Variants in NOTCH3 observed in about 807,000 individuals in gnomAD.
NOTCH3 encodes the protein neurogenic locus notch homolog protein 3.
NOTCH3 carries 86 observed loss-of-function variants against 213.3 expected under a neutral mutation model. The observed-to-expected ratio is 0.40, with a 90% confidence interval of 0.34 to 0.48. NOTCH3 has a LOEUF of 0.48. Among genes scored for constraint, NOTCH3 ranks in the 20% least tolerant of loss-of-function variants. The probability of loss-of-function intolerance (pLI) is 0.57; values close to 1 mark genes in which losing one functional copy is unlikely to be tolerated. For synonymous variants in NOTCH3, 1,354 were observed against 1,355.9 expected (o/e 1.00, Z 0.03); for missense variants, 2,783 against 3,272.6 (o/e 0.85, Z 3.65).
rs781158121 is a variant in NOTCH3 at position 15,191,529 on chromosome 19, A to C, written c.931T>G (p.Cys311Gly). The part of the protein sequence containing the change: ...VCVNGWTGES[C>G]SQNIDDCATA... ...GCACAGTCATCGATATTCTGACTGC[A>C]GCTCTCGCCTGTCCAGCCATTGACA... is the stretch of plus-strand genomic sequence containing the variant. Residue 311 changes from cysteine to glycine, a missense_variant, in exon 6 of 33, where the codon TGC (cysteine) becomes GGC (glycine). Cys to Gly is a radical substitution (Grantham distance 159, BLOSUM62 -3). Around this residue, in one of 6 missense-constraint regions of NOTCH3, gnomAD observed 708 missense variants for 906.6 expected, o/e 0.78. Coordinates refer to ENST00000263388, the MANE Select transcript of NOTCH3 (RefSeq NM_000435.3). The C allele has an allele frequency of 6.2e-7, 1 of 1,613,300 alleles. No individual in the cohort carries two copies.
At chr19:15,181,495 G>T in intron 17 of NOTCH3, 81 bp downstream of exon 17, 1 of 1,196,882 alleles carries the variant, frequency 8.4e-7, no homozygotes, top group Non-Finnish European at 1.2e-6. Flanking sequence ...CCCCCAAGTC[G>T]TTGCTGTCCC....
Position 15,179,397 on chromosome 19 carries a change from G to A in NOTCH3, c.3427C>T (p.Arg1143Cys), listed in dbSNP as rs60373464. The A allele has an allele frequency of 8.8e-5, 142 of 1,614,124 alleles. No individual in the cohort carries two copies. Among genetic ancestry groups the A allele is most frequent in the Non-Finnish European group, 1.1e-4 (131 of 1,180,032 alleles). The change falls in exon 21 of 33, where the codon CGC (arginine) becomes TGC (cysteine). Residue 1143 changes from arginine (R) to cysteine (C), a missense_variant. Physicochemically the swap from Arg to Cys is radical, Grantham distance 180 (BLOSUM62 -3). Around this residue, in one of 6 missense-constraint regions of NOTCH3, gnomAD observed 861 missense variants for 909.1 expected, o/e 0.95. Transcript: ENST00000263388. ...CCTGGGGGACAGGAGCAGAGATAGC[G>A]GGCCACGAGGTCAATGCATGAACCC... ...HGGSCIDLVA[R>C]YLCSCPPGTL...
In NOTCH3 at chr19:15,187,326, G is replaced by C. The variant is rs200317373; in HGVS notation, c.1619C>G (p.Thr540Arg). Reference sequence around the variant, plus strand: ...GTCGTCCACGTTGCGATCACACAGCGTGCCCTCAAAGCCTGTGGGGCCAAG... The same window carrying C: ...GTCGTCCACGTTGCGATCACACAGCCTGCCCTCAAAGCCTGTGGGGCCAAG... ...ECRCAEGFEGTLCDRNVDDCS... is the reference protein window; with the variant it reads ...ECRCAEGFEGRLCDRNVDDCS... The change falls in exon 11 of 33, where the codon ACG (threonine) becomes AGG (arginine). Residue 540 changes from threonine (T) to arginine (R), a missense_variant. Thr to Arg is a moderately conservative substitution (Grantham distance 71, BLOSUM62 -1). This residue lies in a region of NOTCH3 where 708 missense variants were observed against 906.6 expected (regional missense o/e 0.78). Coordinates refer to ENST00000263388, the MANE Select transcript of NOTCH3 (RefSeq NM_000435.3). 2 of 1,613,452 alleles carry C rather than the reference G, an allele frequency of 1.2e-6. No homozygotes were observed. The highest frequency in any genetic ancestry group is 1.1e-5 in the South Asian group (1 of 91,070).
intron 1 of NOTCH3, among the ~76,000 whole-genome samples, chr19:15,199,940 C>G (rs897861510): frequency 6.6e-6 from 1 of 151,862 alleles, no homozygotes; most frequent in Admixed American, 6.6e-5. Context: ...CCGGCCCAGC[C>G]GCGGGTCCCG....
intron 15 of NOTCH3, 84 bp downstream of exon 15, chr19:15,184,822 C>T: frequency 2.4e-6 from 2 of 826,772 alleles, no homozygotes; most frequent in Non-Finnish European, 4.0e-6. Flanking sequence ...GGATGGGTCC[C>T]TCTCTGGATC....
At chr19:15,162,365 T>G in intron 32 of NOTCH3, 100 bp downstream of exon 32, 1 of 870,108 alleles carries the variant, frequency 1.1e-6, no homozygotes, top group Non-Finnish European at 1.9e-6. Flanking sequence ...GGGTTTTATT[T>G]TGTTTTGTTT....
chr19:15,199,672 A>C (rs1446288712), intron 1 of NOTCH3, among the ~76,000 whole-genome samples: 1 of 152,152 alleles, frequency 6.6e-6, no homozygotes, highest in Admixed American at 6.5e-5. Context: ...ACCTAGAGCT[A>C]TGTGTGCCAG....
chr19:15,177,083 A>G (rs1009417667), intron 24 of NOTCH3, among the ~76,000 whole-genome samples: 2 of 148,424 alleles, frequency 1.3e-5, no homozygotes, highest in African/African-American at 5.0e-5. Context: ...AAAAAAAAAA[A>G]AAAAAAAAAA....
Position 15,189,290 on chromosome 19 carries a change from A to T in NOTCH3, c.1175T>A (p.Val392Glu), listed in dbSNP as rs377094060. 1.4e-5 allele frequency: 22 copies of T among 1,613,988 alleles called. No individual in the cohort carries two copies. Among genetic ancestry groups the T allele is most frequent in the Non-Finnish European group, 1.9e-5 (22 of 1,180,032 alleles). ...CCCCTCACCGATAGAGCACTCGTCC[A>T]CATCCTGGTCACATGCCCCACCCGT... ...GFTGGACDQDVDECSIGANPC... is the reference protein window; with the variant it reads ...GFTGGACDQDEDECSIGANPC... The change falls in exon 7 of 33, where the codon GTG (valine) becomes GAG (glutamate). Residue 392 changes from valine to glutamate, a missense_variant. Physicochemically the swap from Val to Glu is moderately radical, Grantham distance 121. Transcript: ENST00000263388.
rs752437137 is a variant in NOTCH3 at position 15,170,445 on chromosome 19, C to G, written c.5000G>C (p.Arg1667Pro). The change falls in exon 27 of 33, where the codon CGC becomes CCC. Residue 1667 changes from arginine to proline, a missense_variant. Coordinates refer to ENST00000263388, the MANE Select transcript of NOTCH3 (RefSeq NM_000435.3). The stretch of plus-strand genomic sequence containing the variant: ...CCAGAGGGTGCTGTGCTCGCGCTTG[C>G]GCCGGGCCACCATGACACCCAGGAC... ...ILVLGVMVAR[R>P]KREHSTLWFP... The G allele has an allele frequency of 1.2e-6, 2 of 1,610,924 alleles. No homozygotes were observed. The highest frequency in any genetic ancestry group is 8.5e-7 in the Non-Finnish European group (1 of 1,179,992).
intron 1 of NOTCH3, among the ~76,000 whole-genome samples, chr19:15,199,390 CCTG>C (rs1316195023): frequency 6.6e-6 from 1 of 152,114 alleles, no homozygotes; most frequent in African/African-American, 2.4e-5. Flanking sequence ...GTTGGTGTGA[CCTG>C]TGTGTGCACC....
intron 25 of NOTCH3, among the ~76,000 whole-genome samples, chr19:15,171,757 G>A (rs868016512): frequency 2.0e-5 from 3 of 152,104 alleles, no homozygotes; most frequent in Non-Finnish European, 2.9e-5. Flanking sequence ...TGCAACCTCC[G>A]ACTCCCTGGT....
Position 15,162,516 on chromosome 19 carries a change from G to C in NOTCH3, c.5862C>G (p.Ala1954=). Residue 1954 remains alanine (A), a synonymous_variant, in exon 32 of 33, where the codon GCC becomes GCG. Coordinates refer to ENST00000263388, the MANE Select transcript of NOTCH3 (RefSeq NM_000435.3). ...CTCCATTTTTGAGCAGGGCCAAAGTGGCTTCCACGTTGTTCACAGCCGCAG... is the reference window on the plus strand; with the variant it reads ...CTCCATTTTTGAGCAGGGCCAAAGTCGCTTCCACGTTGTTCACAGCCGCAG... ...HWAAAVNNVE[A]TLALLKNGAN... 1.2e-6 allele frequency: 2 copies of C among 1,614,016 alleles called. No homozygotes were observed. The highest frequency in any genetic ancestry group is 2.2e-5 in the East Asian group (1 of 44,878).
At position 15,160,238 on chromosome 19, in the gene NOTCH3, CAT is replaced by C; in HGVS notation, c.*422_*423del. 1 of 241,762 alleles carries C rather than the reference CAT, an allele frequency of 4.1e-6. No individual in the cohort carries two copies. Among genetic ancestry groups the C allele is most frequent in the Non-Finnish European group, 8.0e-6 (1 of 124,704 alleles). The allele number at this position is 241,762 out of a possible 1,614,324, so 15.0% of individuals were successfully genotyped here. On this transcript the variant is annotated 3_prime_UTR_variant, in exon 33 of 33. Transcript: ENST00000263388. The stretch of plus-strand genomic sequence containing the variant: ...GGTTCACAGGGGGAGGGAGCATCTC[CAT>C]ATATATATTTTGTAAAAAATAATAA...
chr19:15,163,866 C>CA (rs771443850), intron 31 of NOTCH3, among the ~76,000 whole-genome samples: 54 of 152,102 alleles, frequency 3.6e-4, no homozygotes, highest in Admixed American at 5.9e-4. Context: ...TCCATCGACA[C>CA]AATGGATTAT....
Position 15,188,359 on chromosome 19 carries a change from G to T in NOTCH3, c.1379-11C>A. The T allele has an allele frequency of 3.2e-6, 5 of 1,567,190 alleles. No homozygotes were observed. The highest frequency in any genetic ancestry group is 3.5e-6 in the Non-Finnish European group (4 of 1,145,090). ...AGGTTCCTGTGAAGCCTGGGGCAGG[G>T]AATAGGGCTTAGGAAAGCGGGGGCT... On this transcript the variant is annotated splice_polypyrimidine_tract_variant and intron_variant, in intron 8 of 32. Transcript: ENST00000263388.
At chr19:15,190,741 A>G (rs1182950228) in intron 6 of NOTCH3, among the ~76,000 whole-genome samples, 1 of 152,170 alleles carries the variant, frequency 6.6e-6, no homozygotes. Flanking sequence ...ATGCGCTACC[A>G]TGCCCAGCTA....
At chr19:15,195,070 C>T (rs1444644837) in intron 2 of NOTCH3, among the ~76,000 whole-genome samples, 1 of 152,036 alleles carries the variant, frequency 6.6e-6, no homozygotes, top group Non-Finnish European at 1.5e-5. Context: ...CAGAGGGACA[C>T]ACCAATTGGA....
At position 15,170,315 on chromosome 19, in the gene NOTCH3, C is replaced by T. The variant is rs189890791; in HGVS notation, c.5114+16G>A. The stretch of plus-strand genomic sequence containing the variant: ...GGTCCCCGTAGTCAGGGACAGGGAG[C>T]GAGCAGGGTTCTCACTTCATGCCCA... On this transcript the variant is annotated intron_variant, in intron 27 of 32. Transcript: ENST00000263388. 7 of 1,607,714 alleles carry T rather than the reference C, an allele frequency of 4.4e-6. No homozygotes were observed. The African/African-American group carries it at 5.3e-5, about 12-fold the overall frequency.
Sources: allele counts gnomAD v4.1 joint callset (sites outside exome capture counted in the v4.1 genomes callset), GRCh38; gene constraint gnomAD v4.1.1; regional missense constraint gnomAD v4.1.1; transcripts MANE v1.5; gene names NCBI Gene and HGNC (gene_info 2026-07-23, HGNC 2026-07-21).